Variants in KAZN observed in about 807,000 individuals in gnomAD.
KAZN encodes the protein kazrin, periplakin interacting protein.
In KAZN, 40 loss-of-function variants were observed where a neutral mutation model predicts 87.4. The observed-to-expected ratio is 0.46, with a 90% confidence interval of 0.36 to 0.60. KAZN has a LOEUF of 0.60. Ranked by LOEUF, KAZN falls within the 20% of genes least tolerant of loss-of-function variation. The pLI is 0.00. For missense variants in KAZN, 898 were observed against 1,073.9 expected (o/e 0.84, Z 2.29); for synonymous variants, 466 against 458.3 (o/e 1.02, Z -0.22).
rs144780123 is a variant in KAZN, at chr1:15,052,630, G to A, written c.727-3461G>A. 4.3e-3 allele frequency among the ~76,000 whole-genome samples: 653 copies of A among 152,312 alleles called. 3 individuals carry two copies. The highest frequency in any genetic ancestry group is 0.042 in the South Asian group (205 of 4,824). On this transcript the variant is annotated intron_variant, in intron 4 of 14. Coordinates refer to ENST00000376030, the MANE Select transcript of KAZN (RefSeq NM_201628.3). Reference sequence around the variant, plus strand: ...TGTATATGTGTGTATGTGCATGTGTGTGGATACGTGGGTGTGAAAGCAGGT... The same window carrying A: ...TGTATATGTGTGTATGTGCATGTGTATGGATACGTGGGTGTGAAAGCAGGT...
chr1:14,444,502 G>A (rs1319477864), intron 2 of KAZN, among the ~76,000 whole-genome samples: 1 of 151,872 alleles, frequency 6.6e-6, no homozygotes, highest in Non-Finnish European at 1.5e-5. Context: ...AGTAGAGATG[G>A]GGTTTCTCCA....
intron 13 of KAZN, among the ~76,000 whole-genome samples, chr1:15,109,870 TGTATGTGCATGTGTGTGC>T (rs1641442921): frequency 7.3e-6 from 1 of 137,036 alleles, no homozygotes; most frequent in African/African-American, 2.7e-5. Flanking sequence ...TATATATGTG[TGTATGTGCATGTGTGTGC>T]TTGTGTGTAT....
At chr1:14,443,267 C>G (rs1184990428) in intron 2 of KAZN, among the ~76,000 whole-genome samples, 4 of 152,178 alleles carry the variant, frequency 2.6e-5, no homozygotes, top group Non-Finnish European at 5.9e-5. Flanking sequence ...AGAACAGCTC[C>G]CCAAGGGATT....
chr1:14,078,888 TTGAACAGGCTGGTCC>T (rs1490579717), intron 1 of KAZN, among the ~76,000 whole-genome samples: 1 of 152,174 alleles, frequency 6.6e-6, no homozygotes, highest in African/African-American at 2.4e-5. Flanking sequence ...TTTCACCATG[TTGAACAGGCTGGTCC>T]TGAACTCCTG....
At chr1:14,514,382 A>AATT (rs1234687638) in intron 2 of KAZN, among the ~76,000 whole-genome samples, 1 of 22,270 alleles carries the variant, frequency 4.5e-5, no homozygotes, top group African/African-American at 1.8e-4. Flanking sequence ...TATAATATAT[A>AATT]TATATTATAT....
In KAZN at chr1:15,068,800, GA is replaced by G. The variant is rs552602891; in HGVS notation, c.1222+3055del. Among the ~76,000 whole-genome samples the G allele has an allele frequency of 4.8e-3, 724 of 151,754 alleles. 7 individuals are homozygous for G. Among genetic ancestry groups the G allele is most frequent in the Middle Eastern group, 0.017 (5 of 294 alleles). On this transcript the variant is annotated intron_variant, in intron 8 of 14. Coordinates refer to ENST00000376030, the MANE Select transcript of KAZN (RefSeq NM_201628.3). ...CCCTCAATCTCTATATCTCCCAACT[GA>G]AAAAAAATTTTCCCCGGCAATAAGA... is the stretch of plus-strand genomic sequence containing the variant.
rs1406275595 is a variant in KAZN at position 14,376,818 on chromosome 1, T to TC, written c.249+196227dup. 3.3e-5 allele frequency among the ~76,000 whole-genome samples: 5 copies of TC among 152,324 alleles called. No individual in the cohort carries two copies. In the East Asian group the frequency reaches 9.6e-4, roughly 29 times the overall value. ...CAATAAAAGAAGACAAGCAGATTAG[T>TC]CATAGTCTGGGTATAAAATAATTGC... On this transcript the variant is annotated intron_variant, in intron 2 of 16. Coordinates refer to the KAZN transcript ENST00000636203.
intron 2 of KAZN, among the ~76,000 whole-genome samples, chr1:14,514,214 A>G (rs1263472141): frequency 7.2e-6 from 1 of 139,544 alleles, no homozygotes; most frequent in African/African-American, 2.7e-5. Context: ...GGTCCCAGCT[A>G]CTCGGGAGGC....
intron 1 of KAZN, among the ~76,000 whole-genome samples, chr1:14,063,781 T>G (rs543692035): frequency 6.6e-6 from 1 of 152,258 alleles, no homozygotes; most frequent in South Asian, 2.1e-4. Context: ...CCCATACTGT[T>G]CTTGTGGTAG....
At chr1:14,293,164 C>A (rs546531220) in intron 2 of KAZN, among the ~76,000 whole-genome samples, 2 of 152,302 alleles carry the variant, frequency 1.3e-5, no homozygotes, top group South Asian at 4.2e-4. Flanking sequence ...GGAGATCACA[C>A]AACTACTAAG....
At chr1:13,997,365 G>A (rs760184878) in intron 1 of KAZN, among the ~76,000 whole-genome samples, 7 of 152,216 alleles carry the variant, frequency 4.6e-5, no homozygotes, top group Non-Finnish European at 8.8e-5. Flanking sequence ...GAATGGGACA[G>A]AGCATGAGAT....
chr1:14,625,667 A>G (rs1376955884), intron 1 of KAZN, among the ~76,000 whole-genome samples: 1 of 152,258 alleles, frequency 6.6e-6, no homozygotes, highest in East Asian at 1.9e-4. Context: ...AAATGTAATT[A>G]TGTGAAACTT....
At chr1:14,781,404 T>C (rs186614299) in intron 1 of KAZN, among the ~76,000 whole-genome samples, 3 of 152,324 alleles carry the variant, frequency 2.0e-5, no homozygotes, top group Admixed American at 2.0e-4. Flanking sequence ...AAATGTCCTT[T>C]CAGGTGCCAG....
chr1:14,271,254 A>T (rs1230282956), intron 2 of KAZN, among the ~76,000 whole-genome samples: 6 of 152,182 alleles, frequency 3.9e-5, no homozygotes, highest in Non-Finnish European at 7.3e-5. Flanking sequence ...TTTCAAGACT[A>T]TCTCCAAATA....
chr1:14,978,098 G>A lies in KAZN; in HGVS notation c.418+17223G>A, dbSNP rs143613216. On this transcript the variant is annotated intron_variant, in intron 2 of 14. Coordinates refer to ENST00000376030, the MANE Select transcript of KAZN (RefSeq NM_201628.3). ...TGAGGGCAGAGTTTCTGGTCCAGGC[G>A]AACGCTCCCTCCCCGTGGCCTTCCT... Among the ~76,000 whole-genome samples the A allele has an allele frequency of 1.8e-3, 280 of 152,168 alleles. 1 individual carries two copies. The highest frequency in any genetic ancestry group is 3.5e-3 in the Non-Finnish European group (236 of 67,986).
At chr1:13,900,976 A>T (rs1639225252) in intron 1 of KAZN, among the ~76,000 whole-genome samples, 2 of 152,100 alleles carry the variant, frequency 1.3e-5, no homozygotes, top group African/African-American at 4.8e-5. Flanking sequence ...GGATTAAAAC[A>T]TTCCTTCTGG....
In KAZN at chr1:14,775,911, G is replaced by A. The variant is rs996940830; in HGVS notation, c.226+176688G>A. On this transcript the variant is annotated intron_variant, in intron 1 of 14. Coordinates refer to ENST00000376030, the MANE Select transcript of KAZN (RefSeq NM_201628.3). Reference sequence around the variant, plus strand: ...TCACAGGCCCTTTCCTACAGCGGTCGACACCCAGGTCTCTTCCACATGGAA... The same window carrying A: ...TCACAGGCCCTTTCCTACAGCGGTCAACACCCAGGTCTCTTCCACATGGAA... 5.3e-5 allele frequency among the ~76,000 whole-genome samples: 8 copies of A among 152,348 alleles called. No individual in the cohort carries two copies. In the South Asian group the frequency reaches 1.2e-3, roughly 24 times the overall value.
At chr1:14,358,506 T>C (rs1659232922) in intron 2 of KAZN, among the ~76,000 whole-genome samples, 1 of 152,162 alleles carries the variant, frequency 6.6e-6, no homozygotes, top group Admixed American at 6.5e-5. Flanking sequence ...GTCCTTTTAA[T>C]TGTGATGTTA....
At chr1:14,957,683 G>A (rs1471341200) in intron 1 of KAZN, among the ~76,000 whole-genome samples, 2 of 152,154 alleles carry the variant, frequency 1.3e-5, no homozygotes, top group Non-Finnish European at 2.9e-5. Context: ...CATGAAGAGG[G>A]GAGACGAGCT....
Sources: allele counts gnomAD v4.1 joint callset (sites outside exome capture counted in the v4.1 genomes callset), GRCh38; gene constraint gnomAD v4.1.1; transcripts MANE v1.5; gene names NCBI Gene and HGNC (gene_info 2026-07-23, HGNC 2026-07-21).